Variants in ZFR observed in about 807,000 individuals in gnomAD.
The protein encoded by ZFR is zinc finger RNA binding protein.
ZFR carries 19 observed loss-of-function variants against 130.7 expected under a neutral mutation model. The observed-to-expected ratio is 0.15, with a 90% CI of 0.10 to 0.21. The LOEUF is 0.21. Among genes scored for constraint, ZFR ranks in the 10% least tolerant of loss-of-function variants. The pLI is 1.00. For synonymous variants in ZFR, 466 were observed against 456.9 expected (o/e 1.02, Z -0.25); for missense variants, 872 against 1,321.5 (o/e 0.66, Z 5.27).
chr5:32,358,342 G>C (rs1752357366), intron 19 of ZFR, among the ~76,000 whole-genome samples: 1 of 152,180 alleles, frequency 6.6e-6, no homozygotes, highest in South Asian at 2.1e-4. Flanking sequence ...GGGTGACAGA[G>C]AGAGACTGTC....
intron 6 of ZFR, among the ~76,000 whole-genome samples, chr5:32,405,139 C>T (rs192463214): frequency 1.3e-5 from 2 of 152,236 alleles, no homozygotes; most frequent in Admixed American, 6.5e-5. Context: ...CTGGATGGGA[C>T]TTTCCTTTCA....
intron 17 of ZFR, among the ~76,000 whole-genome samples, chr5:32,373,435 G>A (rs552039004): frequency 6.6e-6 from 1 of 152,038 alleles, no homozygotes; most frequent in South Asian, 2.1e-4. Context: ...AACTACTGTT[G>A]GTTTAAAGAT....
chr5:32,358,282 G>A (rs1163325001), intron 19 of ZFR, among the ~76,000 whole-genome samples: 1 of 152,082 alleles, frequency 6.6e-6, no homozygotes, highest in African/African-American at 2.4e-5. Flanking sequence ...GCTTGAACCC[G>A]GGAGGCACAG....
chr5:32,444,270 G>A lies in ZFR; in HGVS notation c.96C>T (p.Thr32=), dbSNP rs749730824. 9.6e-6 allele frequency: 15 copies of A among 1,562,118 alleles called. No homozygotes were observed. The Admixed American group carries it at 1.6e-4, about 16-fold the overall frequency. ...KMATGNYFGF[T]HSGAAAAAAA... Reference sequence around the variant, plus strand: ...CCGCCGCCGCCGCCGCCCCGCTGTGGGTGAATCCAAAGTAGTTGCCGGTCG... The same window carrying A: ...CCGCCGCCGCCGCCGCCCCGCTGTGAGTGAATCCAAAGTAGTTGCCGGTCG... Residue 32 remains threonine (T), a synonymous_variant, in exon 2 of 20, where the codon ACC becomes ACT. Coordinates refer to ENST00000265069, the MANE Select transcript of ZFR (RefSeq NM_016107.5).
chr5:32,381,091 G>C (rs1273821279), intron 15 of ZFR, among the ~76,000 whole-genome samples: 5 of 152,054 alleles, frequency 3.3e-5, no homozygotes, highest in African/African-American at 1.2e-4. Flanking sequence ...TAGGCAAGCA[G>C]AACAGCGAAT....
chr5:32,371,208 A>T (rs1752663530), intron 17 of ZFR, among the ~76,000 whole-genome samples: 1 of 151,948 alleles, frequency 6.6e-6, no homozygotes, highest in African/African-American at 2.4e-5. Flanking sequence ...CATCTCTATT[A>T]AAAATAAAGA....
intron 8 of ZFR, among the ~76,000 whole-genome samples, chr5:32,400,825 G>C (rs999499749): frequency 5.9e-5 from 9 of 152,088 alleles, no homozygotes; most frequent in Admixed American, 5.9e-4. Flanking sequence ...CTGCACTCCA[G>C]GCCTGGTCAG....
intron 17 of ZFR, among the ~76,000 whole-genome samples, chr5:32,376,517 A>G (rs376876783): frequency 6.6e-6 from 1 of 151,678 alleles, no homozygotes; most frequent in Non-Finnish European, 1.5e-5. Context: ...GTGGTGGCGC[A>G]TGCCTGTAGT....
At chr5:32,393,956 C>G (rs1753238452) in intron 11 of ZFR, among the ~76,000 whole-genome samples, 1 of 152,062 alleles carries the variant, frequency 6.6e-6, no homozygotes, top group Non-Finnish European at 1.5e-5. Context: ...TGGAAACTAC[C>G]TAAATATCTA....
At chr5:32,369,203 T>C (rs1216653589) in intron 17 of ZFR, among the ~76,000 whole-genome samples, 1 of 151,922 alleles carries the variant, frequency 6.6e-6, no homozygotes, top group African/African-American at 2.4e-5. Context: ...CCGTTTGCTG[T>C]TTTTTTTGTA....
intron 2 of ZFR, among the ~76,000 whole-genome samples, chr5:32,432,938 T>C (rs556270131): frequency 6.6e-6 from 1 of 151,122 alleles, no homozygotes; most frequent in Admixed American, 6.6e-5. Flanking sequence ...CTTGCTATGC[T>C]ACCCAGGCTG....
chr5:32,413,583 A>G (rs1753757204), intron 5 of ZFR, among the ~76,000 whole-genome samples: 2 of 152,256 alleles, frequency 1.3e-5, no homozygotes, highest in East Asian at 1.9e-4. Context: ...CCAGAGAAAG[A>G]GAAAGGAAAG....
intron 10 of ZFR, 75 bp from the exon 11 acceptor site, chr5:32,395,379 C>T (rs1753280142): frequency 8.3e-7 from 1 of 1,204,956 alleles, no homozygotes; most frequent in Non-Finnish European, 1.1e-6. Flanking sequence ...CATACAATTA[C>T]ACTTATTCTT....
intron 19 of ZFR, among the ~76,000 whole-genome samples, chr5:32,362,207 T>C (rs1274667020): frequency 6.6e-6 from 1 of 152,244 alleles, no homozygotes; most frequent in African/African-American, 2.4e-5. Flanking sequence ...TGGGAAGGGA[T>C]GATTAACCCT....
intron 11 of ZFR, among the ~76,000 whole-genome samples, chr5:32,390,782 C>G (rs548796382): frequency 2.0e-5 from 3 of 152,284 alleles, no homozygotes; most frequent in African/African-American, 7.2e-5. Flanking sequence ...GTGCACAGAT[C>G]AACATTTGGG....
At chr5:32,422,903 A>C (rs887108466) in intron 2 of ZFR, among the ~76,000 whole-genome samples, 1 of 151,938 alleles carries the variant, frequency 6.6e-6, no homozygotes, top group Non-Finnish European at 1.5e-5. Flanking sequence ...GAAAGCACGT[A>C]AGCAATTATT....
chr5:32,423,144 G>A (rs1047048146), intron 2 of ZFR, among the ~76,000 whole-genome samples: 2 of 151,996 alleles, frequency 1.3e-5, no homozygotes, highest in African/African-American at 2.4e-5. Flanking sequence ...ACCAGACTTG[G>A]CAACATAGTG....
chr5:32,375,744 C>T (rs1367774941), intron 17 of ZFR, among the ~76,000 whole-genome samples: 2 of 152,136 alleles, frequency 1.3e-5, no homozygotes, highest in South Asian at 2.1e-4. Flanking sequence ...GGGACTCAAG[C>T]GATCCTCCTG....
intron 8 of ZFR, among the ~76,000 whole-genome samples, chr5:32,401,664 G>C (rs1453266593): frequency 6.6e-6 from 1 of 152,158 alleles, no homozygotes; most frequent in East Asian, 1.9e-4. Flanking sequence ...TATGACAAAT[G>C]AGGACTACAG....
Sources: allele counts gnomAD v4.1 joint callset (sites outside exome capture counted in the v4.1 genomes callset), GRCh38; gene constraint gnomAD v4.1.1; transcripts MANE v1.5; gene names NCBI Gene and HGNC (gene_info 2026-07-23, HGNC 2026-07-21).